The following CYYR1 variants were observed in gnomAD, a reference collection of about 807,000 sequenced individuals.
The protein encoded by CYYR1 is cysteine and tyrosine-rich protein 1.
CYYR1 carries 14 observed loss-of-function variants against 15.2 expected under a neutral mutation model. That is an observed-to-expected ratio of 0.92 (90% confidence interval 0.61 to 1.44). The LOEUF is 1.44. Ranked by LOEUF, CYYR1 falls within the 40% of genes most tolerant of loss-of-function variation. The probability of loss-of-function intolerance (pLI) is 0.00; values close to 1 mark genes in which losing one functional copy is unlikely to be tolerated. For missense variants in CYYR1, 228 were observed against 209.5 expected (o/e 1.09, Z -0.54); for synonymous variants, 80 against 77.4 (o/e 1.03, Z -0.18).
chr21:26,542,290 C>CGTGTGTGTGTGT (rs55725152), intron 2 of CYYR1, among the ~76,000 whole-genome samples: 14 of 128,070 alleles, frequency 1.1e-4, no homozygotes, highest in African/African-American at 2.1e-4. Flanking sequence ...TGTGTGTGTG[C>CGTGTGTGTGTGT]GTGTGTGTGT....
chr21:26,572,852 GC>G lies in CYYR1; in HGVS notation c.73+15del. 2 of 1,612,958 alleles carry G rather than the reference GC, an allele frequency of 1.2e-6. No individual in the cohort carries two copies. On this transcript the variant is annotated intron_variant, in intron 1 of 3. Transcript: ENST00000652641. ...CCCCGAGCCTCTGACCCTCTCCGCC[GC>G]CCTCCGTCACTGACCTGCGTAGACA...
chr21:26,556,965 C>T (rs1182277228), intron 2 of CYYR1, among the ~76,000 whole-genome samples: 2 of 152,122 alleles, frequency 1.3e-5, no homozygotes, highest in Non-Finnish European at 2.9e-5. Context: ...CATTTTCACT[C>T]ATGGCATCTT....
chr21:26,567,456 G>A (rs543694724), intron 1 of CYYR1, among the ~76,000 whole-genome samples: 1 of 152,164 alleles, frequency 6.6e-6, no homozygotes, highest in East Asian at 1.9e-4. Flanking sequence ...AAAAATGTTG[G>A]ATAAAAATTA....
At chr21:26,572,840 A>G in intron 1 of CYYR1, 28 bp downstream of exon 1, 1 of 1,612,132 alleles carries the variant, frequency 6.2e-7, no homozygotes, top group East Asian at 2.2e-5. Flanking sequence ...CGAGCCTCTG[A>G]CCCTCTCCGC....
intron 2 of CYYR1, among the ~76,000 whole-genome samples, chr21:26,502,034 T>C (rs1287674183): frequency 6.6e-6 from 1 of 152,120 alleles, no homozygotes; most frequent in Non-Finnish European, 1.5e-5. Flanking sequence ...AATCTCTCCA[T>C]CCAGGACATT....
intron 2 of CYYR1, among the ~76,000 whole-genome samples, chr21:26,561,914 A>T (rs1980230183): frequency 6.6e-6 from 1 of 152,164 alleles, no homozygotes; most frequent in African/African-American, 2.4e-5. Flanking sequence ...TAACCACTCA[A>T]TTGCACCCTC....
chr21:26,478,822 G>A (rs1484419565), intron 3 of CYYR1, among the ~76,000 whole-genome samples: 1 of 152,054 alleles, frequency 6.6e-6, no homozygotes, highest in Non-Finnish European at 1.5e-5. Flanking sequence ...TCAAAATACT[G>A]TATATATTTT....
chr21:26,512,047 G>T (rs996875135), intron 2 of CYYR1, among the ~76,000 whole-genome samples: 1 of 151,666 alleles, frequency 6.6e-6, no homozygotes, highest in African/African-American at 2.4e-5. Context: ...ATCAGAATGG[G>T]ATTCCCTTTT....
intron 3 of CYYR1, chr21:26,477,650 A>C: frequency 1.3e-6 from 1 of 744,302 alleles, no homozygotes; most frequent in Non-Finnish European, 1.6e-6. Flanking sequence ...TGAACATTTT[A>C]TAAAAATATT....
chr21:26,553,147 T>C (rs1283481408), intron 2 of CYYR1, among the ~76,000 whole-genome samples: 2 of 152,152 alleles, frequency 1.3e-5, no homozygotes, highest in African/African-American at 4.8e-5. Flanking sequence ...TTCTATTCTT[T>C]TGGCACTTAA....
chr21:26,474,048 G>T (rs1439708226), intron 3 of CYYR1, among the ~76,000 whole-genome samples: 3 of 105,058 alleles, frequency 2.9e-5, no homozygotes, highest in South Asian at 3.5e-4. Flanking sequence ...TTTTGTTTTC[G>T]TTTTTTTTTT....
intron 2 of CYYR1, among the ~76,000 whole-genome samples, chr21:26,561,693 C>T (rs1213362982): frequency 1.3e-5 from 2 of 152,078 alleles, no homozygotes; most frequent in African/African-American, 4.8e-5. Context: ...CCGATGAGTG[C>T]TTTACAATGG....
rs906468503 is a variant in CYYR1 at position 26,467,441 on chromosome 21, A to G, written c.*1060T>C. 2.6e-5 allele frequency: 4 copies of G among 152,168 alleles called. No individual in the cohort carries two copies. Among genetic ancestry groups the G allele is most frequent in the African/African-American group, 9.6e-5 (4 of 41,456 alleles). The allele number at this position is 152,168 out of a possible 1,614,324, so 9.4% of individuals were successfully genotyped here. A position where few individuals can be genotyped will look rare whatever the true frequency, so the allele number is the denominator to read the frequency against. ...GAAGAAGAAAAAAATAATAGTTTTA[A>G]GGAAATCTACAGAAGGGAATCTGAA... On this transcript the variant is annotated 3_prime_UTR_variant, in exon 4 of 4. Transcript: ENST00000652641.
chr21:26,511,533 C>T (rs1270747207), intron 2 of CYYR1, among the ~76,000 whole-genome samples: 1 of 152,174 alleles, frequency 6.6e-6, no homozygotes, highest in Non-Finnish European at 1.5e-5. Context: ...AAGCTTTGTA[C>T]AACAGAAGTT....
At chr21:26,519,633 A>G (rs2065777389) in intron 2 of CYYR1, among the ~76,000 whole-genome samples, 1 of 152,258 alleles carries the variant, frequency 6.6e-6, no homozygotes, top group Non-Finnish European at 1.5e-5. Flanking sequence ...GAGCAGTGGC[A>G]TAATCCTATC....
intron 2 of CYYR1, among the ~76,000 whole-genome samples, chr21:26,492,481 C>T (rs887174666): frequency 6.6e-6 from 1 of 152,166 alleles, no homozygotes; most frequent in African/African-American, 2.4e-5. Flanking sequence ...ACACACACTG[C>T]AACTTTGTAT....
intron 2 of CYYR1, among the ~76,000 whole-genome samples, chr21:26,493,298 C>T (rs1016131521): frequency 1.3e-5 from 2 of 152,046 alleles, no homozygotes; most frequent in African/African-American, 2.4e-5. Flanking sequence ...AACATGGATA[C>T]GTTTAAGGGT....
intron 2 of CYYR1, among the ~76,000 whole-genome samples, chr21:26,498,723 G>A (rs1330300688): frequency 1.3e-5 from 2 of 152,254 alleles, no homozygotes; most frequent in Admixed American, 6.5e-5. Context: ...TCACACTTCC[G>A]CATGACTGGG....
At chr21:26,473,337 CG>C (rs1340931701) in intron 3 of CYYR1, among the ~76,000 whole-genome samples, 1 of 152,020 alleles carries the variant, frequency 6.6e-6, no homozygotes, top group South Asian at 2.1e-4. Flanking sequence ...CTCCATTACC[CG>C]CATCCCCAGC....
Sources: gnomAD v4.1 joint callset for allele counts (sites outside exome capture counted in the v4.1 genomes callset) on GRCh38, gnomAD v4.1.1 for gene constraint, MANE v1.5 for transcripts, NCBI Gene and HGNC (gene_info 2026-07-23, HGNC 2026-07-21) for gene names.